Variants in POFUT3 observed in about 807,000 individuals in gnomAD.
The protein encoded by POFUT3 is GDP-fucose protein O-fucosyltransferase 3.
the POFUT3 span, among the ~76,000 whole-genome samples, chr8:33,400,334 T>A: frequency 6.6e-6 from 1 of 151,894 alleles, no homozygotes; most frequent in Admixed American, 6.6e-5. Context: ...ACACCTGTAA[T>A]CCCAGCTACT....
At chr8:33,337,394 AGACT>A in the POFUT3 span, among the ~76,000 whole-genome samples, 1 of 152,192 alleles carries the variant, frequency 6.6e-6, no homozygotes, top group African/African-American at 2.4e-5. Context: ...TAAATGTAGT[AGACT>A]GACTAAGGAA....
the POFUT3 span, among the ~76,000 whole-genome samples, chr8:33,451,495 TA>T: frequency 6.6e-6 from 1 of 152,070 alleles, no homozygotes; most frequent in East Asian, 1.9e-4. Context: ...TATATGCATA[TA>T]TGTAGATGTA....
the POFUT3 span, chr8:33,455,823 A>G: frequency 6.6e-6 from 3 of 456,356 alleles, no homozygotes; most frequent in Non-Finnish European, 1.3e-5. Flanking sequence ...TGATCATTGA[A>G]GCATTGCATG....
At chr8:33,423,638 T>C in the POFUT3 span, among the ~76,000 whole-genome samples, 2 of 152,176 alleles carry the variant, frequency 1.3e-5, no homozygotes, top group Admixed American at 6.5e-5. Flanking sequence ...TTCTGAGTTA[T>C]TGTTGACAAT....
At chr8:33,376,013 T>C in the POFUT3 span, among the ~76,000 whole-genome samples, 1 of 135,392 alleles carries the variant, frequency 7.4e-6, no homozygotes, top group Non-Finnish European at 1.5e-5. Flanking sequence ...TGAGACTCCA[T>C]CTCAAAAAGA....
At chr8:33,367,924 T>C in the POFUT3 span, among the ~76,000 whole-genome samples, 1,322 of 152,298 alleles carry the variant, frequency 8.7e-3, 14 homozygotes, top group African/African-American at 0.03. Flanking sequence ...AATTTTCAAA[T>C]ATTCATAATG....
chr8:33,317,558 T>C, the POFUT3 span, among the ~76,000 whole-genome samples: 6 of 152,266 alleles, frequency 3.9e-5, no homozygotes, highest in South Asian at 1.2e-3. Flanking sequence ...GGTTTTGGAA[T>C]TTTGCCTGTA....
chr8:33,358,762 G>C, the POFUT3 span, among the ~76,000 whole-genome samples: 1 of 151,958 alleles, frequency 6.6e-6, no homozygotes, highest in Non-Finnish European at 1.5e-5. Context: ...CAGGACTTTG[G>C]AAGGCTGAAG....
chr8:33,354,036 A>G, the POFUT3 span, among the ~76,000 whole-genome samples: 1 of 152,020 alleles, frequency 6.6e-6, no homozygotes, highest in African/African-American at 2.4e-5. Context: ...TTCATTATCC[A>G]TACAGCTCTG....
chr8:33,421,782 G>A, the POFUT3 span, among the ~76,000 whole-genome samples: 1 of 152,274 alleles, frequency 6.6e-6, no homozygotes, highest in Admixed American at 6.5e-5. Flanking sequence ...ATGCCATAAA[G>A]GAGAGTGATC....
At chr8:33,330,922 G>A in the POFUT3 span, among the ~76,000 whole-genome samples, 2 of 152,110 alleles carry the variant, frequency 1.3e-5, no homozygotes, top group African/African-American at 4.8e-5. Flanking sequence ...GTCTCTATGG[G>A]GAGGCACTAT....
the POFUT3 span, among the ~76,000 whole-genome samples, chr8:33,324,311 G>T: frequency 0.4 from 61,231 of 151,922 alleles, 13,781 homozygotes; most frequent in East Asian, 0.71. Context: ...CAAATAGCAG[G>T]CTCTTCCCCT....
the POFUT3 span, among the ~76,000 whole-genome samples, chr8:33,344,426 G>T: frequency 6.6e-6 from 1 of 152,138 alleles, no homozygotes; most frequent in African/African-American, 2.4e-5. Flanking sequence ...AAGATTTGAG[G>T]ATCTGACTGG....
the POFUT3 span, among the ~76,000 whole-genome samples, chr8:33,370,212 A>G: frequency 1.5e-5 from 2 of 137,896 alleles, no homozygotes; most frequent in African/African-American, 5.3e-5. Context: ...AAAATTGTCC[A>G]GGCCTGGTGG....
the POFUT3 span, among the ~76,000 whole-genome samples, chr8:33,359,326 A>G: frequency 6.6e-6 from 1 of 152,222 alleles, no homozygotes; most frequent in Non-Finnish European, 1.5e-5. Flanking sequence ...CTAAGCCTCA[A>G]TAATTTGCTT....
the POFUT3 span, chr8:33,436,171 G>A: frequency 4.3e-5 from 53 of 1,218,456 alleles, no homozygotes; most frequent in African/African-American, 6.2e-4. Context: ...TAAGGTCCAC[G>A]GTTCCTAAGG....
chr8:33,372,476 T>C, the POFUT3 span: 27 of 1,467,506 alleles, frequency 1.8e-5, no homozygotes, highest in Admixed American at 2.6e-5. Context: ...ATTATCCTGA[T>C]GGATAGTCAA....
At chr8:33,318,657 A>C in the POFUT3 span, among the ~76,000 whole-genome samples, 2 of 59,178 alleles carry the variant, frequency 3.4e-5, no homozygotes, top group South Asian at 6.9e-4. Flanking sequence ...ATATATATTT[A>C]TATAATATAT....
chr8:33,389,579 A>T, the POFUT3 span: 10 of 1,614,190 alleles, frequency 6.2e-6, no homozygotes, highest in South Asian at 1.1e-4. Flanking sequence ...CTGCAAAGGA[A>T]CTAGGTATCG....
Sources: allele counts gnomAD v4.1 joint callset (sites outside exome capture counted in the v4.1 genomes callset), GRCh38; gene constraint gnomAD v4.1.1; transcripts MANE v1.5; gene names NCBI Gene and HGNC (gene_info 2026-07-23, HGNC 2026-07-21).